STXBP5L: variants seen among roughly 807,000 people sequenced by gnomAD.
STXBP5L encodes the protein syntaxin binding protein 5L, also known as syntaxin-binding protein 5-like.
Under a neutral mutation model 144.5 loss-of-function variants are expected in STXBP5L, and 65 were observed. The ratio of observed to expected loss-of-function variants is 0.45; its 90% CI spans 0.37 to 0.55. The LOEUF is 0.55. Ranked by LOEUF, STXBP5L falls within the 20% of genes least tolerant of loss-of-function variation. STXBP5L has a pLI of 0.00. For missense variants in STXBP5L, 1,298 were observed against 1,405.5 expected, an observed-to-expected ratio of 0.92 and a Z score of 1.22; for synonymous variants, 505 against 469.6, an observed-to-expected ratio of 1.08 and a Z score of -0.97.
At chr3:121,349,334 A>G (rs199817891) in intron 20 of STXBP5L, among the ~76,000 whole-genome samples, 1 of 151,788 alleles carries the variant, frequency 6.6e-6, no homozygotes, top group Non-Finnish European at 1.5e-5. Flanking sequence ...AGTTTGTTAC[A>G]ATTTCTGTTC....
Position 120,995,018 on chromosome 3 carries a change from C to G in STXBP5L, c.287+39981C>G, listed in dbSNP as rs574839254. On this transcript the variant is annotated intron_variant, in intron 3 of 26. Transcript: ENST00000471454. ...TCAATTTTGGGAGGTTTTATGTAACCAGGAGTTTATCCATTTCCTCAACCT... is the reference window on the plus strand; with the variant it reads ...TCAATTTTGGGAGGTTTTATGTAACGAGGAGTTTATCCATTTCCTCAACCT... Among the ~76,000 whole-genome samples the G allele has an allele frequency of 2.0e-5, 3 of 152,056 alleles. No homozygotes were observed. In the South Asian group the frequency reaches 6.2e-4, roughly 32 times the overall value.
intron 7 of STXBP5L, among the ~76,000 whole-genome samples, chr3:121,137,319 A>T (rs1320490199): frequency 6.6e-6 from 1 of 152,166 alleles, no homozygotes; most frequent in Non-Finnish European, 1.5e-5. Context: ...AAAAAGAATG[A>T]AGACCAAATA....
intron 17 of STXBP5L, among the ~76,000 whole-genome samples, chr3:121,258,082 CT>C (rs2050266343): frequency 6.6e-6 from 1 of 152,004 alleles, no homozygotes; most frequent in Non-Finnish European, 1.5e-5. Context: ...CATAATCTTT[CT>C]TTTTTAAAAC....
At chr3:121,082,000 C>G (rs932212625) in intron 5 of STXBP5L, among the ~76,000 whole-genome samples, 1 of 152,176 alleles carries the variant, frequency 6.6e-6, no homozygotes, top group Admixed American at 6.5e-5. Context: ...GCCAATACCA[C>G]ACTTTTAAAA....
At chr3:121,152,666 CT>C in intron 8 of STXBP5L, 106 bp downstream of exon 8, 1 of 717,924 alleles carries the variant, frequency 1.4e-6, no homozygotes, top group Non-Finnish European at 2.2e-6. Flanking sequence ...GGAAAGTTGC[CT>C]GATTCTGACC....
At chr3:121,296,795 C>T (rs537323110) in intron 19 of STXBP5L, among the ~76,000 whole-genome samples, 2 of 152,184 alleles carry the variant, frequency 1.3e-5, no homozygotes, top group African/African-American at 4.8e-5. Context: ...TGAAACAACC[C>T]TAAATAGAAA....
chr3:121,348,129 C>T (rs943917193), intron 20 of STXBP5L, among the ~76,000 whole-genome samples: 56 of 151,882 alleles, frequency 3.7e-4, no homozygotes, highest in Non-Finnish European at 5.1e-4. Flanking sequence ...TGAGATATGT[C>T]CCATCAGTAC....
At chr3:121,194,786 T>C (rs2047853513) in intron 9 of STXBP5L, among the ~76,000 whole-genome samples, 1 of 152,164 alleles carries the variant, frequency 6.6e-6, no homozygotes, top group African/African-American at 2.4e-5. Flanking sequence ...TCAGTTTTGA[T>C]AGTTTGTGTT....
At chr3:121,092,389 C>A (rs910697692) in intron 5 of STXBP5L, among the ~76,000 whole-genome samples, 2 of 152,096 alleles carry the variant, frequency 1.3e-5, no homozygotes, top group Admixed American at 6.6e-5. Flanking sequence ...GATATTGATT[C>A]TTCCTACCCA....
intron 3 of STXBP5L, among the ~76,000 whole-genome samples, chr3:121,028,329 A>T (rs565754567): frequency 6.6e-6 from 1 of 152,000 alleles, no homozygotes; most frequent in African/African-American, 2.4e-5. Flanking sequence ...TCTTTTCTCT[A>T]GTTGATATTA....
At chr3:121,045,822 T>C (rs905732524) in intron 5 of STXBP5L, among the ~76,000 whole-genome samples, 16 of 152,150 alleles carry the variant, frequency 1.1e-4, no homozygotes, top group Non-Finnish European at 1.6e-4. Context: ...TAATTTGACT[T>C]CCTTTCTTCC....
chr3:121,071,604 G>A (rs990921837), intron 5 of STXBP5L, among the ~76,000 whole-genome samples: 5 of 152,172 alleles, frequency 3.3e-5, no homozygotes, highest in East Asian at 1.9e-4. Flanking sequence ...ACAGCTGTGC[G>A]GATAGACAAG....
intron 3 of STXBP5L, among the ~76,000 whole-genome samples, chr3:121,006,278 G>A (rs941943652): frequency 1.3e-5 from 2 of 152,146 alleles, no homozygotes; most frequent in Admixed American, 6.5e-5. Context: ...AGCTCTTCTT[G>A]TTGAATTGAT....
At chr3:121,412,036 G>T (rs562251994) in intron 23 of STXBP5L, among the ~76,000 whole-genome samples, 1 of 65,956 alleles carries the variant, frequency 1.5e-5, no homozygotes, top group East Asian at 6.9e-4. Context: ...AAAGAACTGT[G>T]CCTGTGATTT....
At chr3:121,075,968 G>A (rs1191808862) in intron 5 of STXBP5L, among the ~76,000 whole-genome samples, 2 of 152,200 alleles carry the variant, frequency 1.3e-5, no homozygotes, top group Admixed American at 6.5e-5. Flanking sequence ...GCCCAGGTAG[G>A]ATTGTGAGTT....
At chr3:121,036,233 T>G (rs116823503) in intron 3 of STXBP5L, among the ~76,000 whole-genome samples, 3 of 152,068 alleles carry the variant, frequency 2.0e-5, no homozygotes, top group Non-Finnish European at 4.4e-5. Context: ...CTTGGGAAGC[T>G]GAGGCAGGAG....
At chr3:121,023,650 T>C (rs1344485679) in intron 3 of STXBP5L, among the ~76,000 whole-genome samples, 1 of 152,168 alleles carries the variant, frequency 6.6e-6, no homozygotes, top group Non-Finnish European at 1.5e-5. Context: ...ATTTAACAAA[T>C]GGTGCTGGGA....
At chr3:121,344,622 A>G (rs984175169) in intron 20 of STXBP5L, among the ~76,000 whole-genome samples, 3 of 152,116 alleles carry the variant, frequency 2.0e-5, no homozygotes, top group Admixed American at 6.6e-5. Flanking sequence ...CCACGACAAT[A>G]CAAATACAAT....
At chr3:121,124,075 C>A (rs1006047797) in intron 7 of STXBP5L, among the ~76,000 whole-genome samples, 2 of 150,732 alleles carry the variant, frequency 1.3e-5, no homozygotes, top group African/African-American at 2.4e-5. Flanking sequence ...GTAAATAATT[C>A]ATTTATTGTA....
Sources: gnomAD v4.1 joint callset for allele counts (sites outside exome capture counted in the v4.1 genomes callset) on GRCh38, gnomAD v4.1.1 for gene constraint, MANE v1.5 for transcripts, NCBI Gene and HGNC (gene_info 2026-07-23, HGNC 2026-07-21) for gene names.